Variants in PCDHAC1 observed in about 807,000 individuals in gnomAD.
PCDHAC1 encodes protocadherin alpha subfamily C, 1.
PCDHAC1 carries 42 observed loss-of-function variants against 60.0 expected under a neutral mutation model. The ratio of observed to expected loss-of-function variants is 0.70; its 90% CI spans 0.55 to 0.90. PCDHAC1 has a LOEUF of 0.90. PCDHAC1 is among the 40% of genes least tolerant of loss of function. PCDHAC1 has a pLI of 0.00. For missense variants in PCDHAC1, 1,160 were observed against 1,222.3 expected (o/e 0.95, Z 0.76); for synonymous variants, 468 against 499.3 (o/e 0.94, Z 0.84).
chr5:140,940,770 T>A (rs560965178), intron 1 of PCDHAC1, among the ~76,000 whole-genome samples: 5 of 152,270 alleles, frequency 3.3e-5, no homozygotes, highest in Non-Finnish European at 7.3e-5. Context: ...ATTTGACTTT[T>A]GATGGTCCAT....
chr5:140,982,265 G>A lies in PCDHAC1; in HGVS notation c.2493-210G>A, dbSNP rs2096974278. ...ATAAAGATAGAACATGTGTGTTCCT[G>A]GAATAGTATAGCAGGCAATAAGTAA... On this transcript the variant is annotated intron_variant, in intron 2 of 3. Transcript: ENST00000253807. 7 of 870,768 alleles carry A rather than the reference G, an allele frequency of 8.0e-6. No individual in the cohort carries two copies. In the Admixed American group the frequency reaches 1.6e-4, roughly 20 times the overall value. 53.9% of individuals were successfully genotyped at this position (870,768 alleles called of 1,614,324 possible).
chr5:140,988,558 T>C lies in PCDHAC1; in HGVS notation c.2581+5995T>C, dbSNP rs982984587. ...CCATTCATGACTTTCTTCATCTTCT[T>C]CTTGGGAAAACACTCTGTACCTTCC... On this transcript the variant is annotated intron_variant, in intron 3 of 3. Transcript: ENST00000253807. 3.9e-5 allele frequency among the ~76,000 whole-genome samples: 6 copies of C among 152,198 alleles called. 1 individual carries two copies. Among genetic ancestry groups the C allele is most frequent in the Admixed American group, 3.9e-4 (6 of 15,276 alleles).
At chr5:140,929,414 A>T (rs1174756115) in intron 1 of PCDHAC1, 89 bp downstream of exon 1, 15 of 1,504,422 alleles carry the variant, frequency 1.0e-5, no homozygotes, top group Non-Finnish European at 1.3e-5. Context: ...GCCTTTCACA[A>T]CATTTCATCA....
intron 1 of PCDHAC1, among the ~76,000 whole-genome samples, chr5:140,964,392 C>A (rs2095829219): frequency 6.6e-6 from 1 of 152,072 alleles, no homozygotes; most frequent in African/African-American, 2.4e-5. Flanking sequence ...GGTTTTTCTC[C>A]CAAGACATGA....
In PCDHAC1 at chr5:141,010,015, C is replaced by G; in HGVS notation, c.*78C>G. On this transcript the variant is annotated 3_prime_UTR_variant, in exon 4 of 4. Transcript: ENST00000253807. ...CTCTCCCATGTAGCAATTCCCTGCT[C>G]CTTTTTCCTATCTACATGAGCCCTC... is the stretch of plus-strand genomic sequence containing the variant. 6.4e-7 allele frequency: 1 copy of G among 1,572,182 alleles called. No homozygotes were observed. Among genetic ancestry groups the G allele is most frequent in the Non-Finnish European group, 8.6e-7 (1 of 1,163,250 alleles).
Position 140,928,813 on chromosome 5 carries a change from C to T in PCDHAC1, c.1921C>T (p.His641Tyr). ...KQRVVVVVRD[H>Y]GDPPLSSSVT... ...GAGGGTGGTGGTAGTGGTTCGGGAC[C>T]ATGGAGACCCACCACTTTCCTCCTC... The change falls in exon 1 of 4, where the codon CAT (histidine) becomes TAT (tyrosine). Residue 641 changes from histidine (H) to tyrosine (Y), a missense_variant. Coordinates refer to ENST00000253807, the MANE Select transcript of PCDHAC1 (RefSeq NM_018898.5). 1 of 1,614,118 alleles carries T rather than the reference C, an allele frequency of 6.2e-7. No homozygotes were observed. Among genetic ancestry groups the T allele is most frequent in the Non-Finnish European group, 8.5e-7 (1 of 1,180,036 alleles).
intron 3 of PCDHAC1, among the ~76,000 whole-genome samples, chr5:140,991,432 C>T (rs2153896288): frequency 6.6e-6 from 1 of 152,310 alleles, no homozygotes; most frequent in Non-Finnish European, 1.5e-5. Flanking sequence ...TAACCATAAA[C>T]TTCATGGCTT....
chr5:140,992,017 C>CTG (rs10602499), intron 3 of PCDHAC1, among the ~76,000 whole-genome samples: 19,643 of 145,468 alleles, frequency 0.14, 1,328 homozygotes, highest in East Asian at 0.18. Flanking sequence ...AGAGGTGGCT[C>CTG]TGTGTGTGTG....
Position 141,010,353 on chromosome 5 carries a change from G to A in PCDHAC1, c.*416G>A. On this transcript the variant is annotated 3_prime_UTR_variant, in exon 4 of 4. Transcript: ENST00000253807. ...AGTTTGTGGCCACTGGGTATGTGTG[G>A]CTACCGCGGGTATGCGAGTGCCAGA... is the stretch of plus-strand genomic sequence containing the variant. 1.3e-6 allele frequency: 2 copies of A among 1,507,486 alleles called. No individual in the cohort carries two copies. Among genetic ancestry groups the A allele is most frequent in the Non-Finnish European group, 1.8e-6 (2 of 1,128,244 alleles). The allele number at this position is 1,507,486 out of a possible 1,614,324, so 93.4% of individuals were successfully genotyped here. A position where few individuals can be genotyped will look rare whatever the true frequency, so the allele number is the denominator to read the frequency against.
chr5:140,971,541 G>C (rs544682624), intron 1 of PCDHAC1, among the ~76,000 whole-genome samples: 1 of 152,290 alleles, frequency 6.6e-6, no homozygotes, highest in Non-Finnish European at 1.5e-5. Flanking sequence ...ATCATTGCCA[G>C]ATCAACCTGT....
chr5:140,966,453 C>G, intron 1 of PCDHAC1: 1 of 426,310 alleles, frequency 2.3e-6, no homozygotes, highest in Non-Finnish European at 4.1e-6. Flanking sequence ...TTCCCCCTCC[C>G]CCTCTGTCTT....
In PCDHAC1 at chr5:141,011,141, A is replaced by G. The variant is rs1039778930; in HGVS notation, c.*1204A>G. 3.9e-5 allele frequency: 6 copies of G among 153,668 alleles called. No homozygotes were observed. In the Admixed American group the frequency reaches 3.9e-4, roughly 10 times the overall value. The allele number at this position is 153,668 out of a possible 1,614,324, so 9.5% of individuals were successfully genotyped here. On this transcript the variant is annotated 3_prime_UTR_variant, in exon 4 of 4. Coordinates refer to ENST00000253807, the MANE Select transcript of PCDHAC1 (RefSeq NM_018898.5). Reference sequence around the variant, plus strand: ...ACAATTATGTGCACTTTGATACACAACCTTCTCTAACCAACTATATATCAA... The same window carrying G: ...ACAATTATGTGCACTTTGATACACAGCCTTCTCTAACCAACTATATATCAA...
chr5:141,007,678 A>T (rs1472767852), intron 3 of PCDHAC1, among the ~76,000 whole-genome samples: 1 of 152,236 alleles, frequency 6.6e-6, no homozygotes, highest in Non-Finnish European at 1.5e-5. Context: ...GACAAAAGTT[A>T]TCCTACTTCC....
chr5:141,000,447 G>C (rs2097938373), intron 3 of PCDHAC1, among the ~76,000 whole-genome samples: 1 of 41,758 alleles, frequency 2.4e-5, no homozygotes, highest in Admixed American at 2.7e-4. Flanking sequence ...TTTTTTTTGA[G>C]ACAGAGTTTT....
chr5:141,000,639 G>T (rs1375900945), intron 3 of PCDHAC1, among the ~76,000 whole-genome samples: 1 of 151,186 alleles, frequency 6.6e-6, no homozygotes, highest in Non-Finnish European at 1.5e-5. Context: ...TGTTGGGCAG[G>T]CTGGTCTCGA....
chr5:140,953,100 A>G (rs1343351624), intron 1 of PCDHAC1, among the ~76,000 whole-genome samples: 1 of 152,162 alleles, frequency 6.6e-6, no homozygotes, highest in Admixed American at 6.5e-5. Flanking sequence ...TTGACATGAG[A>G]TTTGGGCAGG....
Position 140,929,143 on chromosome 5 carries a change from T to C in PCDHAC1, c.2251T>C (p.Ser751Pro), listed in dbSNP as rs2085863317. 6.2e-7 allele frequency: 1 copy of C among 1,614,234 alleles called. No homozygotes were observed. Among genetic ancestry groups the C allele is most frequent in the Non-Finnish European group, 8.5e-7 (1 of 1,180,048 alleles). The change falls in exon 1 of 4, where the codon TCT becomes CCT. Residue 751 changes from serine to proline, a missense_variant. Physicochemically the swap from Ser to Pro is moderately conservative, Grantham distance 74. This residue lies in a region of PCDHAC1 where 1,113 missense variants were observed against 1,163.7 expected (regional missense o/e 0.96). Coordinates refer to ENST00000253807, the MANE Select transcript of PCDHAC1 (RefSeq NM_018898.5). ...AGATGTCACTACAGTTGAGAGACTT[T>C]CTCAGACTTATCTCTATCGGGCCTC... ...TIDVTTVERL[S>P]QTYLYRASLG...
At chr5:140,975,765 CAG>C (rs1179625862) in intron 1 of PCDHAC1, among the ~76,000 whole-genome samples, 1 of 152,220 alleles carries the variant, frequency 6.6e-6, no homozygotes, top group Non-Finnish European at 1.5e-5. Flanking sequence ...TCATAAATCA[CAG>C]ATAATACCAT....
intron 1 of PCDHAC1, among the ~76,000 whole-genome samples, chr5:140,949,684 C>T (rs116815984): frequency 0.023 from 3,563 of 151,738 alleles, 50 homozygotes; most frequent in Middle Eastern, 0.051. Context: ...CTTGTTGAAG[C>T]GTATTGTTGG....
Sources: gnomAD v4.1 joint callset for allele counts (sites outside exome capture counted in the v4.1 genomes callset) on GRCh38, gnomAD v4.1.1 for gene constraint, gnomAD v4.1.1 regional missense constraint, MANE v1.5 for transcripts, NCBI Gene and HGNC (gene_info 2026-07-23, HGNC 2026-07-21) for gene names.